Variants in GSN observed in about 807,000 individuals in gnomAD.
GSN encodes the protein actin-depolymerizing factor.
Under a neutral mutation model 85.7 loss-of-function variants are expected in GSN, and 56 were observed. The observed-to-expected ratio is 0.65, with a 90% CI of 0.53 to 0.82. GSN has a LOEUF of 0.82. Among genes scored for constraint, GSN ranks in the 40% least tolerant of loss-of-function variants. The pLI is 0.00. For missense variants in GSN, 857 were observed against 979.8 expected, an observed-to-expected ratio of 0.87 and a Z score of 1.67; for synonymous variants, 373 against 399.1, an observed-to-expected ratio of 0.93 and a Z score of 0.78.
chr9:121,209,060 A>G (rs561060138), intron 1 of GSN, among the ~76,000 whole-genome samples: 1 of 152,372 alleles, frequency 6.6e-6, no homozygotes, highest in African/African-American at 2.4e-5. Flanking sequence ...AAAAAGATGC[A>G]GAGGAAGGCC....
intron 5 of GSN, 22 bp downstream of exon 5, chr9:121,310,867 C>G (rs374256017): frequency 1.9e-6 from 3 of 1,612,484 alleles, no homozygotes; most frequent in Non-Finnish European, 2.5e-6. Context: ...TTTCCTCTTT[C>G]CCAGGAGCCA....
At chr9:121,260,678 G>A (rs1445799567) in intron 6 of GSN, among the ~76,000 whole-genome samples, 1 of 152,210 alleles carries the variant, frequency 6.6e-6, no homozygotes, top group Non-Finnish European at 1.5e-5. Context: ...GAGACTCAGA[G>A]GAGTGGATGA....
Position 121,218,061 on chromosome 9 carries a change from G to A in GSN, c.-528+7194G>A, listed in dbSNP as rs1215747601. Among the ~76,000 whole-genome samples, 4 of 152,066 alleles carry A rather than the reference G, an allele frequency of 2.6e-5. No individual in the cohort carries two copies. In the East Asian group the frequency reaches 7.7e-4, roughly 29 times the overall value. ...TATGTATGTGTCCAGTCTACCTCAT[G>A]CCCTGACTCACAGTTTAGCTATGAC... On this transcript the variant is annotated intron_variant, in intron 4 of 24. Coordinates refer to the GSN transcript ENST00000373823.
chr9:121,208,181 G>A (rs1012780197), intron 1 of GSN, among the ~76,000 whole-genome samples: 1 of 152,140 alleles, frequency 6.6e-6, no homozygotes, highest in Non-Finnish European at 1.5e-5. Flanking sequence ...CAGATTAACT[G>A]GGAAAGTGTA....
intron 10 of GSN, among the ~76,000 whole-genome samples, chr9:121,321,060 C>T (rs1345201426): frequency 6.6e-6 from 1 of 152,152 alleles, no homozygotes; most frequent in South Asian, 2.1e-4. Context: ...GTATGAGGAG[C>T]CCAGGCAGGA....
chr9:121,294,617 C>T (rs1364035416), intron 2 of GSN, among the ~76,000 whole-genome samples: 1 of 152,186 alleles, frequency 6.6e-6, no homozygotes, highest in African/African-American at 2.4e-5. Flanking sequence ...CAGCCAAGCC[C>T]CGCTGGCCAT....
intron 1 of GSN, among the ~76,000 whole-genome samples, chr9:121,279,356 G>T (rs915018780): frequency 1.3e-5 from 2 of 152,184 alleles, no homozygotes; most frequent in Non-Finnish European, 2.9e-5. Context: ...CATGGTCTGG[G>T]CTTGCTCTAA....
At position 121,318,299 on chromosome 9, in the gene GSN, G is replaced by C; in HGVS notation, c.887-107G>C. ...GCCTTGGCTGTCCACAGTCTAAGAA[G>C]AGTAGGGAGGGAAGTTTGGCAGCTC... On this transcript the variant is annotated intron_variant, in intron 8 of 17. Coordinates refer to ENST00000432226, the MANE Select transcript of GSN (RefSeq NM_198252.3). The surrounding 1 kb of genome is among the most constrained non-coding windows in gnomAD (Gnocchi z 4.3). The C allele has an allele frequency of 1.1e-6, 1 of 910,538 alleles. No individual in the cohort carries two copies. The allele number at this position is 910,538 out of a possible 1,614,324, so 56.4% of individuals were successfully genotyped here.
intron 2 of GSN, chr9:121,282,470 C>G: frequency 3.9e-6 from 5 of 1,267,546 alleles, no homozygotes; most frequent in South Asian, 3.6e-5. Context: ...AGGACTTACG[C>G]GTCTGCTGTG....
At chr9:121,312,008 C>T (rs952899295) in intron 5 of GSN, 31 of 309,782 alleles carry the variant, frequency 1.0e-4, no homozygotes, top group South Asian at 6.6e-4. Flanking sequence ...TAGGTATATT[C>T]GGCTTTAGTG....
At chr9:121,202,016 A>AC in the GSN span, 2 of 152,076 alleles carry the variant, frequency 1.3e-5, no homozygotes, top group Admixed American at 1.3e-4. Flanking sequence ...CTCAGCCCTC[A>AC]CCTCTGGACT....
At position 121,213,050 on chromosome 9, in the gene GSN, T is replaced by C. The variant is rs543944326; in HGVS notation, c.-528+2183T>C. On this transcript the variant is annotated intron_variant, in intron 4 of 24. Coordinates refer to the GSN transcript ENST00000373823. ...GAGAATTTCTTCCTGCCCATATATTTATTTTGAATTTTACAGGTTTAATGT... is the reference window on the plus strand; with the variant it reads ...GAGAATTTCTTCCTGCCCATATATTCATTTTGAATTTTACAGGTTTAATGT... 1.5e-3 allele frequency among the ~76,000 whole-genome samples: 233 copies of C among 152,286 alleles called. 2 individuals carry two copies. The highest frequency in any genetic ancestry group is 5.4e-3 in the African/African-American group (225 of 41,556).
chr9:121,202,190 G>T, the GSN span, among the ~76,000 whole-genome samples: 1 of 152,270 alleles, frequency 6.6e-6, no homozygotes, highest in South Asian at 2.1e-4. Context: ...GAGAACTAGG[G>T]TTGTCGCTCG....
chr9:121,285,806 C>T (rs981864349), intron 2 of GSN, among the ~76,000 whole-genome samples: 6 of 152,200 alleles, frequency 3.9e-5, no homozygotes, highest in Admixed American at 3.9e-4. Flanking sequence ...GTAGTGACTC[C>T]TTCAGGTCCT....
intron 2 of GSN, among the ~76,000 whole-genome samples, chr9:121,289,869 C>T (rs902335998): frequency 3.9e-5 from 6 of 152,144 alleles, no homozygotes; most frequent in African/African-American, 1.4e-4. Context: ...GGAGTCCTGA[C>T]TTCTTTCTGT....
chr9:121,234,366 T>C (rs941956534), intron 5 of GSN, among the ~76,000 whole-genome samples: 7 of 152,122 alleles, frequency 4.6e-5, no homozygotes, highest in African/African-American at 1.7e-4. Context: ...ACACAGGAAA[T>C]GGCATCACAT....
intron 1 of GSN, among the ~76,000 whole-genome samples, chr9:121,275,535 T>C (rs1226329766): frequency 6.6e-6 from 1 of 152,220 alleles, no homozygotes; most frequent in Non-Finnish European, 1.5e-5. Context: ...CAGGAACTGG[T>C]AGTCCAAAGG....
intron 13 of GSN, 104 bp from the exon 14 acceptor site, chr9:121,327,204 G>T (rs1177535484): frequency 1.0e-6 from 1 of 954,116 alleles, no homozygotes; most frequent in African/African-American, 1.6e-5. Context: ...GTTCCTCCAA[G>T]TCCCCACCTG....
At chr9:121,230,297 T>A (rs925334293) in intron 4 of GSN, among the ~76,000 whole-genome samples, 1 of 152,210 alleles carries the variant, frequency 6.6e-6, no homozygotes, top group Admixed American at 6.5e-5. Flanking sequence ...TGGGAGATCC[T>A]GCTCAAGCTC....
Sources: gnomAD v4.1 joint callset for allele counts (sites outside exome capture counted in the v4.1 genomes callset) on GRCh38, gnomAD v4.1.1 for gene constraint, Gnocchi (gnomAD v3.1) non-coding constraint, MANE v1.5 for transcripts, NCBI Gene and HGNC (gene_info 2026-07-23, HGNC 2026-07-21) for gene names.